GIGYF2: variants seen among roughly 807,000 people sequenced by gnomAD.
GIGYF2 encodes the protein GRB10-interacting GYF protein 2.
GIGYF2 carries 25 observed loss-of-function variants against 208.1 expected under a neutral mutation model. The observed-to-expected ratio is 0.12, with a 90% CI of 0.09 to 0.17. GIGYF2 has a LOEUF of 0.17. GIGYF2 is among the 10% of genes least tolerant of loss of function. The pLI is 1.00. For synonymous variants in GIGYF2, 534 were observed against 543.8 expected, an observed-to-expected ratio of 0.98 and a Z score of 0.25; for missense variants, 1,302 against 1,579.4, an observed-to-expected ratio of 0.82 and a Z score of 2.98.
At chr2:232,823,022 C>A (rs1014803393) in intron 21 of GIGYF2, among the ~76,000 whole-genome samples, 4 of 152,072 alleles carry the variant, frequency 2.6e-5, no homozygotes, top group African/African-American at 9.7e-5. Flanking sequence ...AAGTTTCTTT[C>A]CAGTCCTAGT....
intron 5 of GIGYF2, among the ~76,000 whole-genome samples, chr2:232,751,289 A>G (rs532569517): frequency 1.3e-5 from 2 of 152,270 alleles, no homozygotes; most frequent in Non-Finnish European, 2.9e-5. Context: ...GTCTCGGCTC[A>G]CTGCAACATC....
Position 232,815,773 on chromosome 2 carries a change from A to G in GIGYF2, c.2208+36A>G, listed in dbSNP as rs776762665. On this transcript the variant is annotated intron_variant, in intron 19 of 28. Transcript: ENST00000373563. ...CATTCTTCTGCAACAGTGCATTGTCATCTGGCTGCAGGACATAAACATTGC... is the reference window on the plus strand; with the variant it reads ...CATTCTTCTGCAACAGTGCATTGTCGTCTGGCTGCAGGACATAAACATTGC... 6 of 1,044,752 alleles carry G rather than the reference A, an allele frequency of 5.7e-6. No individual in the cohort carries two copies. In the East Asian group the frequency reaches 9.5e-5, roughly 16 times the overall value. 64.7% of individuals were successfully genotyped at this position (1,044,752 alleles called of 1,614,324 possible).
intron 8 of GIGYF2, among the ~76,000 whole-genome samples, chr2:232,779,804 G>A (rs534364582): frequency 2.0e-5 from 3 of 152,292 alleles, no homozygotes; most frequent in East Asian, 3.9e-4. Context: ...GGAGAAAGTC[G>A]TAACTCTCTG....
intron 2 of GIGYF2, among the ~76,000 whole-genome samples, chr2:232,720,583 A>ATTTTTTTTTTTTTTTTTT (rs1553605416): frequency 6.9e-6 from 1 of 144,918 alleles, no homozygotes; most frequent in Non-Finnish European, 1.5e-5. Flanking sequence ...ATATATATAT[A>ATTTTTTTTTTTTTTTTTT]TTTTTGTTTG....
At chr2:232,771,193 A>G (rs1413398896) in intron 8 of GIGYF2, 1 of 1,613,638 alleles carries the variant, frequency 6.2e-7, no homozygotes, top group Non-Finnish European at 8.5e-7. Context: ...AAAGACCAAC[A>G]TCATCCAACG....
Position 232,836,303 on chromosome 2 carries a change from TATA to T in GIGYF2, c.2766+3211_2766+3213del, listed in dbSNP as rs1559160538. On this transcript the variant is annotated intron_variant, in intron 22 of 28. Transcript: ENST00000373563. ...ATATATATATATATATATATATATA[TATA>T]TATATATATATATATATATATATAC... Among the ~76,000 whole-genome samples the T allele has an allele frequency of 9.0e-3, 160 of 17,774 alleles. 7 individuals carry two copies. Among genetic ancestry groups the T allele is most frequent in the African/African-American group, 8.8e-3 (49 of 5,542 alleles). 11.7% of individuals were successfully genotyped at this position (17,774 alleles called of 152,430 possible). A position where few individuals can be genotyped will look rare whatever the true frequency, so the allele number is the denominator to read the frequency against.
intron 2 of GIGYF2, among the ~76,000 whole-genome samples, chr2:232,711,061 T>C (rs1404192943): frequency 2.0e-5 from 3 of 151,664 alleles, no homozygotes; most frequent in African/African-American, 7.3e-5. Context: ...CTCTAGGGTA[T>C]GTATGTATGT....
chr2:232,739,186 C>T (rs894972680), intron 3 of GIGYF2, among the ~76,000 whole-genome samples: 3 of 151,422 alleles, frequency 2.0e-5, no homozygotes, highest in African/African-American at 7.3e-5. Flanking sequence ...TGATGAAACC[C>T]CACCTCTACT....
At chr2:232,729,766 A>G in intron 2 of GIGYF2, 1 of 750,938 alleles carries the variant, frequency 1.3e-6, no homozygotes, top group East Asian at 2.5e-5. Context: ...AAGGTTTCAC[A>G]TCTATAAGAT....
In GIGYF2 at chr2:232,803,674, C is replaced by CTTTTTTTTTTTTTTTTTTTT. The variant is rs768507929; in HGVS notation, c.1640-2812_1640-2793dup. 4.0e-5 allele frequency among the ~76,000 whole-genome samples: 2 copies of CTTTTTTTTTTTTTTTTTTTT among 49,928 alleles called. 1 individual carries two copies. The highest frequency in any genetic ancestry group is 2.5e-4 in the African/African-American group (2 of 7,948). 32.8% of individuals were successfully genotyped at this position (49,928 alleles called of 152,430 possible). A position where few individuals can be genotyped will look rare whatever the true frequency, so the allele number is the denominator to read the frequency against. On this transcript the variant is annotated intron_variant, in intron 14 of 28. Coordinates refer to ENST00000373563, the MANE Select transcript of GIGYF2 (RefSeq NM_001103146.3). ...TGTGGGTCTGTTTCTATTTCTGCTT[C>CTTTTTTTTTTTTTTTTTTTT]TTTTTTTTTTTTTTTTTTTTTTTTG...
At chr2:232,793,289 GAC>G (rs1700126100) in intron 12 of GIGYF2, among the ~76,000 whole-genome samples, 1 of 152,214 alleles carries the variant, frequency 6.6e-6, no homozygotes, top group Admixed American at 6.5e-5. Context: ...TGACCGCTTA[GAC>G]TCCTGAGCAG....
At chr2:232,778,067 C>A (rs953497342) in intron 8 of GIGYF2, among the ~76,000 whole-genome samples, 2 of 151,922 alleles carry the variant, frequency 1.3e-5, no homozygotes, top group African/African-American at 4.8e-5. Flanking sequence ...CCACCTCATC[C>A]CCCACCCCCT....
intron 8 of GIGYF2, among the ~76,000 whole-genome samples, chr2:232,778,674 C>T (rs1699612112): frequency 6.6e-6 from 1 of 152,018 alleles, no homozygotes; most frequent in Non-Finnish European, 1.5e-5. Flanking sequence ...TCCTTATGCA[C>T]AAGAGTCCCA....
At chr2:232,750,210 A>C (rs925228413) in intron 5 of GIGYF2, among the ~76,000 whole-genome samples, 2 of 151,948 alleles carry the variant, frequency 1.3e-5, no homozygotes, top group Non-Finnish European at 2.9e-5. Context: ...AAATGTTGGC[A>C]TATGTCCTTT....
intron 14 of GIGYF2, among the ~76,000 whole-genome samples, chr2:232,800,863 C>A (rs894349082): frequency 6.6e-6 from 1 of 152,106 alleles, no homozygotes; most frequent in African/African-American, 2.4e-5. Context: ...TCAGCCTGGG[C>A]AACATAGTGA....
intron 5 of GIGYF2, among the ~76,000 whole-genome samples, chr2:232,754,380 A>G (rs1450833517): frequency 1.3e-5 from 2 of 152,184 alleles, no homozygotes; most frequent in East Asian, 1.9e-4. Context: ...TGTTGTGTCA[A>G]AGGGGATGGG....
At position 232,704,227 on chromosome 2, in the gene GIGYF2, G is replaced by C. The variant is rs1211583362; in HGVS notation, c.-44+738G>C. Among the ~76,000 whole-genome samples, 3 of 152,176 alleles carry C rather than the reference G, an allele frequency of 2.0e-5. No individual in the cohort carries two copies. The East Asian group carries it at 5.8e-4, about 29-fold the overall frequency. On this transcript the variant is annotated intron_variant, in intron 2 of 28. Coordinates refer to ENST00000373563, the MANE Select transcript of GIGYF2 (RefSeq NM_001103146.3). ...GGTGACTATTCTAGGTGGACTCCCA[G>C]AGAAGCTTCTGGACATTTTTCCTTT...
chr2:232,839,756 T>C, intron 22 of GIGYF2, 93 bp from the exon 23 acceptor site: 1 of 1,244,934 alleles, frequency 8.0e-7, no homozygotes, highest in Non-Finnish European at 1.2e-6. Flanking sequence ...TTGAGAGAAA[T>C]GCATTTGTTC....
At chr2:232,746,250 T>C (rs1373487106) in intron 3 of GIGYF2, among the ~76,000 whole-genome samples, 1 of 152,198 alleles carries the variant, frequency 6.6e-6, no homozygotes, top group African/African-American at 2.4e-5. Context: ...ACTTTATTCT[T>C]GTAAACACAT....
Sources: allele counts gnomAD v4.1 joint callset (sites outside exome capture counted in the v4.1 genomes callset), GRCh38; gene constraint gnomAD v4.1.1; transcripts MANE v1.5; gene names NCBI Gene and HGNC (gene_info 2026-07-23, HGNC 2026-07-21).